SETDB1: variants seen among roughly 807,000 people sequenced by gnomAD.
SETDB1 encodes histone-lysine N-methyltransferase SETDB1.
Under a neutral mutation model 137.4 loss-of-function variants are expected in SETDB1, and 31 were observed. The observed-to-expected ratio is 0.23, with a 90% CI of 0.17 to 0.30. The LOEUF (loss-of-function observed/expected upper bound fraction) is 0.30, where lower values mean the gene tolerates loss of function less well. Ranked by LOEUF, SETDB1 falls within the 10% of genes least tolerant of loss-of-function variation. SETDB1 has a pLI of 1.00. For missense variants in SETDB1, 1,113 were observed against 1,631.5 expected (o/e 0.68, Z 5.47); for synonymous variants, 548 against 579.9 (o/e 0.95, Z 0.79).
At position 150,945,106 on chromosome 1, in the gene SETDB1, C is replaced by A. The variant is rs758893995; in HGVS notation, c.1138C>A (p.Leu380Met). Residue 380 changes from leucine to methionine, a missense_variant and splice_region_variant, in exon 9 of 22, where the codon CTG becomes ATG. This residue lies in a region of SETDB1 where 154 missense variants were observed against 303.1 expected (regional missense o/e 0.51). Transcript: ENST00000692827. ...TGGCAGCCTAGTCAGGATCCTCTTC[C>A]TGGTACTGTTCTTCTCTACAATTTT... ...VDGSLVRILF[L>M]DDKRCEWIYR... 28 of 1,613,894 alleles carry A rather than the reference C, an allele frequency of 1.7e-5. No homozygotes were observed. Among genetic ancestry groups the A allele is most frequent in the Non-Finnish European group, 2.4e-5 (28 of 1,179,980 alleles).
intron 14 of SETDB1, among the ~76,000 whole-genome samples, chr1:150,958,701 G>T (rs946719629): frequency 4.6e-5 from 7 of 151,810 alleles, no homozygotes; most frequent in Non-Finnish European, 5.9e-5. Context: ...TGTTATGTTG[G>T]CCTCTGTTTT....
At chr1:150,955,225 C>T (rs1346568666) in intron 14 of SETDB1, among the ~76,000 whole-genome samples, 1 of 152,184 alleles carries the variant, frequency 6.6e-6, no homozygotes, top group Non-Finnish European at 1.5e-5. Context: ...CTGGGTGGTA[C>T]ATGAGTGTTC....
intron 3 of SETDB1, among the ~76,000 whole-genome samples, chr1:150,935,306 TTGAC>T (rs1416544866): frequency 6.6e-6 from 1 of 152,178 alleles, no homozygotes; most frequent in African/African-American, 2.4e-5. Flanking sequence ...TGGTGTTAGT[TTGAC>T]TGGGATGTAT....
rs1670919721 is a variant in SETDB1 at position 150,964,249 on chromosome 1, G to A, written c.3764G>A (p.Arg1255Lys). 1.9e-6 allele frequency: 3 copies of A among 1,613,598 alleles called. No homozygotes were observed. The highest frequency in any genetic ancestry group is 1.7e-6 in the Non-Finnish European group (2 of 1,179,644). ...ACCATCCTTTTCTTCCTCTTCAGAA[G>A]AATCCGGGCTGGGACAGAACTTACT... The part of the protein sequence containing the change: ...FPWVAFFASK[R>K]IRAGTELTWD... Residue 1255 changes from arginine (R) to lysine (K), a missense_variant and splice_region_variant, in exon 22 of 22, where the codon AGA becomes AAA. Arg to Lys is a conservative substitution (Grantham distance 26). Around this residue, in one of 11 missense-constraint regions of SETDB1, gnomAD observed 37 missense variants for 123.2 expected, o/e 0.30. Transcript: ENST00000692827.
chr1:150,959,027 T>G (rs1375944085), intron 14 of SETDB1, 151 bp from the exon 15 acceptor site: 1 of 554,662 alleles, frequency 1.8e-6, no homozygotes, highest in South Asian at 3.1e-5. Context: ...GATGGTTCAA[T>G]AGATCCACTC....
chr1:150,953,558 G>A (rs1422378103), intron 14 of SETDB1, among the ~76,000 whole-genome samples: 1 of 151,728 alleles, frequency 6.6e-6, no homozygotes, highest in African/African-American at 2.4e-5. Context: ...GCCATGCGCG[G>A]TGGCTCATGC....
At chr1:150,953,881 G>A (rs1181732076) in intron 14 of SETDB1, among the ~76,000 whole-genome samples, 1 of 150,808 alleles carries the variant, frequency 6.6e-6, no homozygotes, top group Non-Finnish European at 1.5e-5. Flanking sequence ...TTTAGATGGA[G>A]TCTTGCTCTG....
intron 3 of SETDB1, among the ~76,000 whole-genome samples, chr1:150,936,722 G>T (rs1319212659): frequency 6.6e-6 from 1 of 152,008 alleles, no homozygotes; most frequent in Non-Finnish European, 1.5e-5. Flanking sequence ...ATCTCACTCT[G>T]TAACCCAGGC....
In SETDB1 at chr1:150,964,356, C is replaced by A. The variant is rs1453200862; in HGVS notation, c.3871C>A (p.Leu1291Ile). 1 of 1,610,692 alleles carries A rather than the reference C, an allele frequency of 6.2e-7. No individual in the cohort carries two copies. ...CCGAIECRGR[L>I]L is the part of the protein sequence containing the mutation. ...TGGGGCCATTGAATGCAGAGGACGT[C>A]TTCTTTAGAGGACAGCCTTCTTCCC... The change falls in exon 22 of 22, where the codon CTT (leucine) becomes ATT (isoleucine). Residue 1291 changes from leucine to isoleucine, a missense_variant. Coordinates refer to ENST00000692827, the MANE Select transcript of SETDB1 (RefSeq NM_001366418.1).
At position 150,932,971 on chromosome 1, in the gene SETDB1, G is replaced by T. The variant is rs12088369; in HGVS notation, c.412+2853G>T. 9.6e-3 allele frequency among the ~76,000 whole-genome samples: 1,453 copies of T among 151,868 alleles called. 27 individuals are homozygous for T. The highest frequency in any genetic ancestry group is 0.033 in the African/African-American group (1,373 of 41,416). ...ATTTCTAAATATTTGGGGTTTTTTT[G>T]ATATCTTTCTGTTGTTAATTTTTAA... On this transcript the variant is annotated intron_variant, in intron 3 of 21. Transcript: ENST00000692827.
intron 14 of SETDB1, among the ~76,000 whole-genome samples, chr1:150,956,782 G>A (rs971475290): frequency 2.7e-5 from 4 of 150,628 alleles, no homozygotes; most frequent in African/African-American, 9.8e-5. Flanking sequence ...TGCTCCCAAA[G>A]TGCTGGGATT....
chr1:150,927,648 A>G (rs1398777392), intron 1 of SETDB1, 56 bp from the exon 2 acceptor site: 14 of 1,494,100 alleles, frequency 9.4e-6, no homozygotes, highest in African/African-American at 1.4e-5. Flanking sequence ...GAAATTCTCT[A>G]TTGATTGATT....
rs1335379704 is a variant in SETDB1 at position 150,926,398 on chromosome 1, C to T, written c.-131C>T. 1 of 214,738 alleles carries T rather than the reference C, an allele frequency of 4.7e-6. No homozygotes were observed. Among genetic ancestry groups the T allele is most frequent in the South Asian group, 5.4e-5 (1 of 18,486 alleles). The allele number at this position is 214,738 out of a possible 1,614,324, so 13.3% of individuals were successfully genotyped here. ...CTTCCCCTTCCCTCTTTCACGCTTC[C>T]TCCCCTCCCCCTCCTCCCTTATCCC... On this transcript the variant is annotated 5_prime_UTR_variant, in exon 1 of 22. Transcript: ENST00000692827.
chr1:150,962,015 A>T, intron 16 of SETDB1, 115 bp from the exon 17 acceptor site: 1 of 1,260,958 alleles, frequency 7.9e-7, no homozygotes, highest in Non-Finnish European at 1.2e-6. Flanking sequence ...ACCCCACTTT[A>T]GAATGTGTAC....
chr1:150,939,020 C>A (rs1009188972), intron 3 of SETDB1, among the ~76,000 whole-genome samples: 1 of 152,002 alleles, frequency 6.6e-6, no homozygotes, highest in Non-Finnish European at 1.5e-5. Flanking sequence ...CTTACTGCAA[C>A]CCTTGCCTCC....
Position 150,964,464 on chromosome 1 carries a change from T to TC in SETDB1, c.*106dup, listed in dbSNP as rs769472045. ...GACCCGAAGTCTCTGGGCTAGCTAC[T>TC]CCCCCCAGCTCCTAGTTGATAGAAA... On this transcript the variant is annotated 3_prime_UTR_variant, in exon 22 of 22. Transcript: ENST00000692827. 4.5e-5 allele frequency: 36 copies of TC among 806,094 alleles called. No homozygotes were observed. In the African/African-American group the frequency reaches 5.4e-4, roughly 12 times the overall value. The allele number at this position is 806,094 out of a possible 1,614,324, so 49.9% of individuals were successfully genotyped here.
At chr1:150,964,211 G>GT (rs1479934679) in intron 21 of SETDB1, 36 bp from the exon 22 acceptor site, 1 of 1,591,614 alleles carries the variant, frequency 6.3e-7, no homozygotes, top group African/African-American at 1.3e-5. Flanking sequence ...GTTATCTGCT[G>GT]TCTTTGCCAC....
chr1:150,956,151 G>T (rs1165009430), intron 14 of SETDB1, among the ~76,000 whole-genome samples: 1 of 150,312 alleles, frequency 6.7e-6, no homozygotes, highest in Non-Finnish European at 1.5e-5. Flanking sequence ...ACTTTGGGAG[G>T]CCGAGACAGG....
chr1:150,926,585 G>C (rs1283460375), intron 1 of SETDB1, 68 bp downstream of exon 1: 1 of 399,130 alleles, frequency 2.5e-6, no homozygotes, highest in South Asian at 1.8e-5. Flanking sequence ...TTGTGGGAGG[G>C]GGTCGGGCGA....
Sources: allele counts gnomAD v4.1 joint callset (sites outside exome capture counted in the v4.1 genomes callset), GRCh38; gene constraint gnomAD v4.1.1; regional missense constraint gnomAD v4.1.1; transcripts MANE v1.5; gene names NCBI Gene and HGNC (gene_info 2026-07-23, HGNC 2026-07-21).